The following COBL variants were observed in gnomAD, a reference collection of about 807,000 sequenced individuals.
COBL encodes the protein cordon-bleu WH2 repeat protein, also known as protein cordon-bleu.
In COBL, 51 loss-of-function variants were observed where a neutral mutation model predicts 98.8. The observed-to-expected ratio is 0.52, with a 90% CI of 0.41 to 0.65. The LOEUF is 0.65. Ranked by LOEUF, COBL falls within the 30% of genes least tolerant of loss-of-function variation. The probability of loss-of-function intolerance (pLI) is 0.00; values close to 1 mark genes in which losing one functional copy is unlikely to be tolerated. For synonymous variants in COBL, 634 were observed against 651.7 expected, an observed-to-expected ratio of 0.97 and a Z score of 0.41; for missense variants, 1,617 against 1,617.5, an observed-to-expected ratio of 1.00 and a Z score of 0.01.
At chr7:51,083,090 G>A in intron 7 of COBL, 1 of 1,535,706 alleles carries the variant, frequency 6.5e-7, no homozygotes, top group Non-Finnish European at 8.7e-7. Context: ...CTCGGAACCA[G>A]CGCCTTCCCC....
At chr7:51,126,099 G>C (rs532554965) in intron 6 of COBL, among the ~76,000 whole-genome samples, 6 of 152,280 alleles carry the variant, frequency 3.9e-5, no homozygotes, top group Non-Finnish European at 5.9e-5. Context: ...AGGCCGAGGT[G>C]AACAGATTAC....
chr7:51,122,975 T>G (rs1211574538), intron 6 of COBL, among the ~76,000 whole-genome samples: 1 of 121,918 alleles, frequency 8.2e-6, no homozygotes, highest in African/African-American at 3.0e-5. Context: ...AGAGCGAGAC[T>G]CCATCTCAAA....
intron 2 of COBL, among the ~76,000 whole-genome samples, chr7:51,213,776 G>C (rs1792716687): frequency 6.8e-6 from 1 of 147,904 alleles, no homozygotes; most frequent in African/African-American, 2.7e-5. Flanking sequence ...ACTAACAACA[G>C]AGCCACAGTG....
At chr7:51,214,031 C>T (rs1315131362) in intron 2 of COBL, among the ~76,000 whole-genome samples, 2 of 151,898 alleles carry the variant, frequency 1.3e-5, no homozygotes. Flanking sequence ...TTTGGGAGGC[C>T]GAGGCAGGCA....
At chr7:51,059,106 C>T (rs755306630) in intron 7 of COBL, among the ~76,000 whole-genome samples, 13 of 152,210 alleles carry the variant, frequency 8.5e-5, no homozygotes, top group African/African-American at 1.2e-4. Context: ...TGTGCTGCCA[C>T]GGTAGGCTGC....
At chr7:51,235,874 T>C (rs1584265891) in intron 1 of COBL, among the ~76,000 whole-genome samples, 1 of 151,470 alleles carries the variant, frequency 6.6e-6, no homozygotes, top group Non-Finnish European at 1.5e-5. Context: ...CCTCCTGCAC[T>C]CTTCCTGGGC....
intron 2 of COBL, among the ~76,000 whole-genome samples, chr7:51,197,121 T>G (rs1161767871): frequency 6.6e-6 from 1 of 152,186 alleles, no homozygotes; most frequent in Non-Finnish European, 1.5e-5. Context: ...AGTGTTAGGT[T>G]GTTAAACTGA....
intron 4 of COBL, among the ~76,000 whole-genome samples, chr7:51,190,525 T>C (rs189187427): frequency 6.6e-6 from 1 of 152,042 alleles, no homozygotes; most frequent in African/African-American, 2.4e-5. Context: ...GAAAGTATTA[T>C]AGATGGTTTG....
At chr7:51,216,781 G>GTTAT (rs1434065330) in intron 2 of COBL, among the ~76,000 whole-genome samples, 7 of 152,144 alleles carry the variant, frequency 4.6e-5, no homozygotes, top group Non-Finnish European at 7.3e-5. Flanking sequence ...TTAAGGGGCT[G>GTTAT]ACTATAAATT....
chr7:51,206,421 G>A (rs1791712430), intron 2 of COBL, among the ~76,000 whole-genome samples: 1 of 150,246 alleles, frequency 6.7e-6, no homozygotes, highest in Non-Finnish European at 1.5e-5. Flanking sequence ...GAACCCAGGA[G>A]GCAAAGATTG....
At chr7:51,152,030 ACT>A (rs1209285029) in intron 5 of COBL, among the ~76,000 whole-genome samples, 3 of 152,160 alleles carry the variant, frequency 2.0e-5, no homozygotes, top group Non-Finnish European at 4.4e-5. Flanking sequence ...CTCAGGACAA[ACT>A]CTGCTCTTAT....
At chr7:51,046,806 C>T (rs1789751769) in intron 7 of COBL, among the ~76,000 whole-genome samples, 1 of 152,160 alleles carries the variant, frequency 6.6e-6, no homozygotes, top group African/African-American at 2.4e-5. Context: ...CCAGGGACCC[C>T]AGCCTGAAAC....
chr7:51,032,131 T>C (rs1211958816), intron 8 of COBL: 4 of 152,298 alleles, frequency 2.6e-5, no homozygotes, highest in African/African-American at 9.6e-5. Flanking sequence ...CAGGTCACAC[T>C]GGCATCTGGA....
intron 1 of COBL, among the ~76,000 whole-genome samples, chr7:51,302,581 CAAA>C (rs397888990): frequency 9.0e-5 from 6 of 66,562 alleles, no homozygotes; most frequent in Non-Finnish European, 1.0e-4. Context: ...AACTCCGTCT[CAAA>C]AAAAAAAAAA....
At chr7:51,051,193 C>T (rs1412723487) in intron 7 of COBL, among the ~76,000 whole-genome samples, 2 of 152,188 alleles carry the variant, frequency 1.3e-5, no homozygotes, top group Non-Finnish European at 2.9e-5. Context: ...TTAAGACTGT[C>T]TTCTCCGCTT....
rs572612862 is a variant in COBL, at chr7:51,206,210, G to A, written c.246-12621C>T. Among the ~76,000 whole-genome samples, 34 of 152,116 alleles carry A rather than the reference G, an allele frequency of 2.2e-4. No individual in the cohort carries two copies. In the South Asian group the frequency reaches 4.8e-3, roughly 21 times the overall value. Reference sequence around the variant, plus strand: ...TGGGTACATATTTCTAAAGAAAATGGGCCAGGCACGGTGGTTCACACCTGT... The same window carrying A: ...TGGGTACATATTTCTAAAGAAAATGAGCCAGGCACGGTGGTTCACACCTGT... On this transcript the variant is annotated intron_variant, in intron 2 of 12. Transcript: ENST00000265136.
chr7:51,213,850 G>A (rs949647148), intron 2 of COBL, among the ~76,000 whole-genome samples: 3 of 152,118 alleles, frequency 2.0e-5, no homozygotes, highest in African/African-American at 7.2e-5. Context: ...ACCTCCTGGG[G>A]CCAAGCAGCT....
rs138824276 is a variant in COBL at position 51,197,175 on chromosome 7, T to C, written c.246-3586A>G. 1.9e-3 allele frequency among the ~76,000 whole-genome samples: 284 copies of C among 152,354 alleles called. 2 individuals are homozygous for C. Among genetic ancestry groups the C allele is most frequent in the African/African-American group, 6.3e-3 (260 of 41,576 alleles). Reference sequence around the variant, plus strand: ...AGGCATTTGCTGCTATAAATTTCTCTCTTAAAACTGCCTTAGCTGTGTCCC... The same window carrying C: ...AGGCATTTGCTGCTATAAATTTCTCCCTTAAAACTGCCTTAGCTGTGTCCC... On this transcript the variant is annotated intron_variant, in intron 2 of 12. Coordinates refer to ENST00000265136, the MANE Select transcript of COBL (RefSeq NM_015198.5).
intron 1 of COBL, among the ~76,000 whole-genome samples, chr7:51,251,773 T>C (rs931901295): frequency 6.6e-6 from 1 of 152,144 alleles, no homozygotes; most frequent in African/African-American, 2.4e-5. Context: ...TTTTCAAGCC[T>C]AAAAAAATGT....
Sources: allele counts gnomAD v4.1 joint callset (sites outside exome capture counted in the v4.1 genomes callset), GRCh38; gene constraint gnomAD v4.1.1; transcripts MANE v1.5; gene names NCBI Gene and HGNC (gene_info 2026-07-23, HGNC 2026-07-21).